The following MACROD2 variants were observed in gnomAD, a reference collection of about 807,000 sequenced individuals.
MACROD2 encodes ADP-ribose glycohydrolase MACROD2.
Under a neutral mutation model 70.4 loss-of-function variants are expected in MACROD2, and 36 were observed. The ratio of observed to expected loss-of-function variants is 0.51; its 90% confidence interval spans 0.39 to 0.68. MACROD2 has a LOEUF of 0.68. MACROD2 is among the 30% of genes least tolerant of loss of function. The pLI, the probability that MACROD2 is intolerant of heterozygous loss-of-function variation, is 0.00. For synonymous variants in MACROD2, 172 were observed against 178.8 expected, an observed-to-expected ratio of 0.96 and a Z score of 0.30; for missense variants, 496 against 538.4, an observed-to-expected ratio of 0.92 and a Z score of 0.78.
At chr20:14,965,324 C>T (rs891594784) in intron 5 of MACROD2, among the ~76,000 whole-genome samples, 4 of 152,024 alleles carry the variant, frequency 2.6e-5, no homozygotes, top group South Asian at 2.1e-4. Context: ...GGAAATATAT[C>T]GGTAACTTAA....
intron 12 of MACROD2, among the ~76,000 whole-genome samples, chr20:15,942,900 C>T (rs953411535): frequency 6.6e-6 from 1 of 152,170 alleles, no homozygotes; most frequent in East Asian, 1.9e-4. Context: ...TCAACTAGAC[C>T]AAATCATATG....
At chr20:14,034,297 C>T (rs935185573) in intron 2 of MACROD2, among the ~76,000 whole-genome samples, 4 of 152,140 alleles carry the variant, frequency 2.6e-5, no homozygotes, top group African/African-American at 9.6e-5. Context: ...TTTTTAAAGG[C>T]TTCATTGTCT....
At chr20:15,544,898 G>A (rs1488218933) in intron 8 of MACROD2, among the ~76,000 whole-genome samples, 1 of 152,196 alleles carries the variant, frequency 6.6e-6, no homozygotes, top group Non-Finnish European at 1.5e-5. Context: ...CAGCGGTGGG[G>A]TCACAGTCTG....
chr20:15,279,787 A>G (rs1244392549), intron 6 of MACROD2, among the ~76,000 whole-genome samples: 1 of 152,220 alleles, frequency 6.6e-6, no homozygotes, highest in Non-Finnish European at 1.5e-5. Context: ...ACCGTATGCC[A>G]GACCCTATGC....
chr20:15,834,723 T>C (rs1297344682), intron 8 of MACROD2, among the ~76,000 whole-genome samples: 2 of 152,226 alleles, frequency 1.3e-5, no homozygotes, highest in African/African-American at 2.4e-5. Flanking sequence ...AACAGTTTCA[T>C]AGATTTTTTT....
chr20:15,655,901 T>C (rs759159959), intron 8 of MACROD2, among the ~76,000 whole-genome samples: 1 of 152,186 alleles, frequency 6.6e-6, no homozygotes, highest in Non-Finnish European at 1.5e-5. Flanking sequence ...TTTTTCCATC[T>C]TTGATTTCTG....
At chr20:14,442,819 G>A (rs1296953938) in intron 3 of MACROD2, among the ~76,000 whole-genome samples, 1 of 152,074 alleles carries the variant, frequency 6.6e-6, no homozygotes, top group Non-Finnish European at 1.5e-5. Context: ...GCTCACGCCT[G>A]TAATCCCAGC....
chr20:14,469,422 C>T (rs13039619), intron 3 of MACROD2, among the ~76,000 whole-genome samples: 22,678 of 151,772 alleles, frequency 0.15, 2,398 homozygotes, highest in Non-Finnish European at 0.21. Context: ...TTGCTCTTCT[C>T]GGGGAGTATC....
intron 6 of MACROD2, among the ~76,000 whole-genome samples, chr20:15,426,369 G>A (rs1173846274): frequency 6.6e-6 from 1 of 151,744 alleles, no homozygotes; most frequent in African/African-American, 2.4e-5. Context: ...TTTAAGACAC[G>A]GTCTCACTCC....
intron 6 of MACROD2, among the ~76,000 whole-genome samples, chr20:15,291,257 T>C (rs6043174): frequency 6.6e-6 from 1 of 152,352 alleles, no homozygotes; most frequent in South Asian, 2.1e-4. Context: ...ATGCCATCAC[T>C]GGGGGTTCTC....
At chr20:14,809,341 A>G (rs2072679738) in intron 5 of MACROD2, among the ~76,000 whole-genome samples, 1 of 152,130 alleles carries the variant, frequency 6.6e-6, no homozygotes, top group African/African-American at 2.4e-5. Context: ...ACTACTGGGT[A>G]AATAACGAAA....
At position 14,530,363 on chromosome 20, in the gene MACROD2, G is replaced by T. The variant is rs575371854; in HGVS notation, c.301+36855G>T. On this transcript the variant is annotated intron_variant, in intron 4 of 17. Transcript: ENST00000684519. ...ATAACACAAAATAAAGAGCAGAAAT[G>T]TCACAGAGCCTGCAAAGGGATGGAG... 5.8e-4 allele frequency among the ~76,000 whole-genome samples: 88 copies of T among 152,292 alleles called. 1 individual carries two copies. The highest frequency in any genetic ancestry group is 6.8e-3 in the Middle Eastern group (2 of 294).
intron 8 of MACROD2, among the ~76,000 whole-genome samples, 193 bp downstream of exon 8, chr20:15,500,040 A>G (rs1327168418): frequency 6.6e-6 from 1 of 152,228 alleles, no homozygotes; most frequent in Non-Finnish European, 1.5e-5. Flanking sequence ...CAGCAACTCT[A>G]TTGATCTATC....
chr20:15,704,612 G>T (rs2050506117), intron 8 of MACROD2, among the ~76,000 whole-genome samples: 1 of 152,236 alleles, frequency 6.6e-6, no homozygotes, highest in South Asian at 2.1e-4. Context: ...GTGGGTATAA[G>T]GTGGGGTTGA....
chr20:14,918,608 G>GTTTTTTTTT (rs201816737), intron 5 of MACROD2, among the ~76,000 whole-genome samples: 1 of 135,604 alleles, frequency 7.4e-6, no homozygotes, highest in Non-Finnish European at 1.6e-5. Context: ...GTGACACTGT[G>GTTTTTTTTT]TTTTTTTTGT....
intron 6 of MACROD2, among the ~76,000 whole-genome samples, chr20:15,317,512 T>TCTATCTAC (rs1555804042): frequency 2.7e-5 from 4 of 148,644 alleles, no homozygotes; most frequent in Non-Finnish European, 6.0e-5. Context: ...TATCTATCTA[T>TCTATCTAC]CTATCTATCT....
chr20:14,429,253 T>G (rs536490783), intron 3 of MACROD2, among the ~76,000 whole-genome samples: 42 of 152,308 alleles, frequency 2.8e-4, no homozygotes, highest in Admixed American at 1.1e-3. Context: ...TCTTTTACAC[T>G]AGGCCAGACC....
chr20:15,753,510 C>G (rs904511585), intron 8 of MACROD2, among the ~76,000 whole-genome samples: 7 of 152,156 alleles, frequency 4.6e-5, no homozygotes, highest in African/African-American at 1.7e-4. Context: ...TTTATCCAAT[C>G]CACTGTTGAT....
At chr20:15,569,941 A>C (rs968974019) in intron 8 of MACROD2, among the ~76,000 whole-genome samples, 3 of 152,168 alleles carry the variant, frequency 2.0e-5, no homozygotes, top group Admixed American at 2.0e-4. Flanking sequence ...TGATACTGCA[A>C]TAAATAGGAG....
Sources: allele counts gnomAD v4.1 joint callset (sites outside exome capture counted in the v4.1 genomes callset), GRCh38; gene constraint gnomAD v4.1.1; transcripts MANE v1.5; gene names NCBI Gene and HGNC (gene_info 2026-07-23, HGNC 2026-07-21).